The following COG7 variants were observed in gnomAD, a reference collection of about 807,000 sequenced individuals.
The protein encoded by COG7 is conserved oligomeric Golgi complex subunit 7.
Under a neutral mutation model 91.5 loss-of-function variants are expected in COG7, and 49 were observed. The observed-to-expected ratio is 0.54, with a 90% CI of 0.43 to 0.68. The LOEUF (loss-of-function observed/expected upper bound fraction) is 0.68. Among genes scored for constraint, COG7 ranks in the 30% least tolerant of loss-of-function variants. The pLI, the probability that COG7 is intolerant of heterozygous loss-of-function variation, is 0.00. For missense variants in COG7, 895 were observed against 961.3 expected, an observed-to-expected ratio of 0.93 and a Z score of 0.91; for synonymous variants, 365 against 388.7, an observed-to-expected ratio of 0.94 and a Z score of 0.72.
At chr16:23,428,446 A>C (rs1296643363) in intron 6 of COG7, among the ~76,000 whole-genome samples, 2 of 152,164 alleles carry the variant, frequency 1.3e-5, no homozygotes, top group Non-Finnish European at 2.9e-5. Flanking sequence ...ACCTGAATAG[A>C]CATTTCGCAA....
chr16:23,433,590 A>C lies in COG7; in HGVS notation c.765T>G (p.Asp255Glu), dbSNP rs1270054360. The change falls in exon 6 of 17, where the codon GAT (aspartate) becomes GAG (glutamate). Residue 255 changes from aspartate (D) to glutamate (E), a missense_variant. Physicochemically the swap from Asp to Glu is conservative, Grantham distance 45 (BLOSUM62 2). Transcript: ENST00000307149. ...SLDRQLTGLY[D>E]ALLGAWHTQI... is the part of the protein sequence containing the mutation. ...GTGTGTGCCAAGCACCAAGCAAGGC[A>C]TCATAGAGTCCGGTAAGCTGCCGGT... 6.2e-7 allele frequency: 1 copy of C among 1,614,114 alleles called. No homozygotes were observed. The highest frequency in any genetic ancestry group is 2.2e-5 in the East Asian group (1 of 44,870).
At chr16:23,439,158 C>CA (rs1288559124) in intron 4 of COG7, among the ~76,000 whole-genome samples, 17,292 of 53,674 alleles carry the variant, frequency 0.32, 3,569 homozygotes, top group African/African-American at 0.47. Flanking sequence ...ACTGTGTCTC[C>CA]AAAAAAAAAA....
chr16:23,402,798 T>C (rs979533254), intron 13 of COG7, among the ~76,000 whole-genome samples: 1 of 152,220 alleles, frequency 6.6e-6, no homozygotes, highest in African/African-American at 2.4e-5. Context: ...CACGATCATG[T>C]CGTTTAACTG....
At chr16:23,432,051 G>A (rs1963943682) in intron 6 of COG7, among the ~76,000 whole-genome samples, 1 of 151,972 alleles carries the variant, frequency 6.6e-6, no homozygotes, top group Admixed American at 6.6e-5. Context: ...AAAGGCTCAG[G>A]CAGGAGGACA....
chr16:23,393,751 G>T (rs1963238512), intron 14 of COG7, among the ~76,000 whole-genome samples: 1 of 152,108 alleles, frequency 6.6e-6, no homozygotes, highest in South Asian at 2.1e-4. Context: ...TTCAAATCCT[G>T]TCTTCTGAGG....
chr16:23,423,044 CAAAAAA>C (rs34598282), intron 7 of COG7, among the ~76,000 whole-genome samples: 2 of 63,638 alleles, frequency 3.1e-5, no homozygotes, highest in Non-Finnish European at 3.1e-5. Flanking sequence ...GTCTCTGTCT[CAAAAAA>C]AAAAAAAAAA....
At chr16:23,431,193 A>G (rs1963928933) in intron 6 of COG7, among the ~76,000 whole-genome samples, 1 of 152,136 alleles carries the variant, frequency 6.6e-6, no homozygotes, top group Non-Finnish European at 1.5e-5. Flanking sequence ...ACATTTTTAT[A>G]TATTGGAAAT....
rs146053786 is a variant in COG7, at chr16:23,418,466, A to G, written c.1137+234T>C. Among the ~76,000 whole-genome samples, 1,110 of 152,258 alleles carry G rather than the reference A, an allele frequency of 7.3e-3. 18 individuals carry two copies. Among genetic ancestry groups the G allele is most frequent in the African/African-American group, 0.026 (1,068 of 41,560 alleles). ...GCTGCAGTGAGTTGTAATCAATCGC[A>G]CCACTACACTCCAGCCTGGGCGACA... On this transcript the variant is annotated intron_variant, in intron 8 of 16. Coordinates refer to ENST00000307149, the MANE Select transcript of COG7 (RefSeq NM_153603.4).
At chr16:23,452,638 T>C in intron 1 of COG7, 188 bp downstream of exon 1, 1 of 1,372,706 alleles carries the variant, frequency 7.3e-7, no homozygotes, top group South Asian at 1.5e-5. Context: ...TTAGCAAGTG[T>C]TCAAGACAGC....
At chr16:23,397,941 G>T in intron 14 of COG7, 105 bp downstream of exon 14, 1 of 969,596 alleles carries the variant, frequency 1.0e-6, no homozygotes, top group East Asian at 2.5e-5. Flanking sequence ...TACCCAAAAG[G>T]GTCAGATAGC....
chr16:23,435,262 G>C (rs1963996554), intron 4 of COG7, among the ~76,000 whole-genome samples: 1 of 152,146 alleles, frequency 6.6e-6, no homozygotes, highest in Non-Finnish European at 1.5e-5. Flanking sequence ...AGCTCCTTGG[G>C]AGGCTGAGGG....
chr16:23,418,591 G>C, intron 8 of COG7, 109 bp downstream of exon 8: 1 of 921,912 alleles, frequency 1.1e-6, no homozygotes, highest in Non-Finnish European at 1.8e-6. Flanking sequence ...AGTGCTTAAA[G>C]GTCATATTTC....
chr16:23,418,268 C>A (rs953695158), intron 8 of COG7, among the ~76,000 whole-genome samples: 1 of 152,114 alleles, frequency 6.6e-6, no homozygotes, highest in Non-Finnish European at 1.5e-5. Flanking sequence ...ACTTTGGAAG[C>A]CCAAGGTGGG....
intron 1 of COG7, among the ~76,000 whole-genome samples, chr16:23,449,411 T>C (rs1045895581): frequency 2.1e-5 from 3 of 143,544 alleles, no homozygotes; most frequent in African/African-American, 7.6e-5. Flanking sequence ...TAAAATAAAA[T>C]AAAATAAAAT....
chr16:23,452,545 T>C (rs1964281263), intron 1 of COG7, among the ~76,000 whole-genome samples: 1 of 151,876 alleles, frequency 6.6e-6, no homozygotes, highest in African/African-American at 2.4e-5. Context: ...GAGACCCTGT[T>C]TCAAAAGAAA....
rs544258943 is a variant in COG7, at chr16:23,400,445, G to A, written c.1804-2316C>T. On this transcript the variant is annotated intron_variant, in intron 13 of 16. Transcript: ENST00000307149. ...GAAGCAGAGTGTGGGGAGAAGCAAC[G>A]GCTTCCAGGAGACCAAGAGCAGGTA... Among the ~76,000 whole-genome samples, 57 of 152,234 alleles carry A rather than the reference G, an allele frequency of 3.7e-4. No individual in the cohort carries two copies. The East Asian group carries it at 7.5e-3, about 20-fold the overall frequency.
At chr16:23,410,529 T>G (rs1329753981) in intron 10 of COG7, among the ~76,000 whole-genome samples, 169 bp from the exon 11 acceptor site, 2 of 152,194 alleles carry the variant, frequency 1.3e-5, no homozygotes, top group Non-Finnish European at 2.9e-5. Context: ...TCATTAGTCA[T>G]TAATGTAAAA....
intron 8 of COG7, among the ~76,000 whole-genome samples, chr16:23,418,480 G>C (rs1354376678): frequency 6.6e-6 from 1 of 152,178 alleles, no homozygotes; most frequent in African/African-American, 2.4e-5. Context: ...CTACACTCCA[G>C]CCTGGGCGAC....
At chr16:23,396,469 A>G (rs942073487) in intron 14 of COG7, among the ~76,000 whole-genome samples, 2 of 152,148 alleles carry the variant, frequency 1.3e-5, no homozygotes, top group South Asian at 4.1e-4. Flanking sequence ...ACTTCAGGTC[A>G]GGAGTTTGAG....
Sources: gnomAD v4.1 joint callset for allele counts (sites outside exome capture counted in the v4.1 genomes callset) on GRCh38, gnomAD v4.1.1 for gene constraint, MANE v1.5 for transcripts, NCBI Gene and HGNC (gene_info 2026-07-23, HGNC 2026-07-21) for gene names.